NEB: variants seen among roughly 807,000 people sequenced by gnomAD.
NEB encodes nebulin.
Under a neutral mutation model 952.2 loss-of-function variants are expected in NEB, and 512 were observed. That is an observed-to-expected ratio of 0.54 (90% CI 0.50 to 0.58). The LOEUF is 0.58. NEB is among the 20% of genes least tolerant of loss of function. The pLI is 0.00. For synonymous variants in NEB, 2,900 were observed against 3,149.8 expected, an observed-to-expected ratio of 0.92 and a Z score of 2.66; for missense variants, 8,428 against 9,231.1, an observed-to-expected ratio of 0.91 and a Z score of 3.56.
At chr2:151,572,286 T>G (rs1033746989) in intron 107 of NEB, among the ~76,000 whole-genome samples, 1 of 152,022 alleles carries the variant, frequency 6.6e-6, no homozygotes, top group Admixed American at 6.6e-5. Context: ...CACGCCACTG[T>G]ACTCCAGCCT....
intron 47 of NEB, among the ~76,000 whole-genome samples, chr2:151,658,350 A>G (rs1411296328): frequency 1.1e-4 from 16 of 152,232 alleles, no homozygotes; most frequent in Admixed American, 1.0e-3. Context: ...TATACTTTAA[A>G]AAATGTGAAA....
rs764012894 is a variant in NEB, at chr2:151,575,785, C to T, written c.16923G>A (p.Glu5641=). The T allele has an allele frequency of 6.2e-7, 1 of 1,601,694 alleles. No homozygotes were observed. Among genetic ancestry groups the T allele is most frequent in the South Asian group, 1.1e-5 (1 of 90,772 alleles). ...TTGAAGTTTTATCCTTGTCCCAAAC[C>T]TCTCTGTACTTTGGCTGTGGAAAGA... The part of the protein sequence containing the change: ...AENISIPKYR[E]VWDKDKTSIH... The change falls in exon 107 of 182, where the codon GAG becomes GAA. Residue 5641 remains glutamate, a synonymous_variant. Transcript: ENST00000397345.
At position 151,540,787 on chromosome 2, in the gene NEB, T is replaced by C. The variant is rs2153570012; in HGVS notation, c.20697A>G (p.Glu6899=). 1 of 1,612,882 alleles carries C rather than the reference T, an allele frequency of 6.2e-7. No individual in the cohort carries two copies. The highest frequency in any genetic ancestry group is 8.5e-7 in the Non-Finnish European group (1 of 1,178,988). ...QKLQSQYLYV[E]LATKERPHHH... The stretch of plus-strand genomic sequence containing the variant: ...GATGGGGTCTCTCTTTGGTGGCAAG[T>C]TCAACATACAGATACTGAATAATAG... The change falls in exon 137 of 182, where the codon GAA becomes GAG. Residue 6899 remains glutamate (E), a synonymous_variant. Transcript: ENST00000397345.
intron 13 of NEB, among the ~76,000 whole-genome samples, chr2:151,702,574 GGATA>G (rs1271585309): frequency 2.6e-5 from 4 of 151,536 alleles, no homozygotes; most frequent in African/African-American, 9.7e-5. Flanking sequence ...TATATATTTA[GGATA>G]GTTAGCTCTT....
intron 20 of NEB, among the ~76,000 whole-genome samples, chr2:151,692,704 T>G (rs1224230151): frequency 6.6e-6 from 1 of 152,214 alleles, no homozygotes; most frequent in African/African-American, 2.4e-5. Context: ...GTGCAGGGGC[T>G]CACACCTGTC....
At chr2:151,734,366 G>A (rs2099816533) in intron 1 of NEB, 32 bp downstream of exon 1, 1 of 152,124 alleles carries the variant, frequency 6.6e-6, no homozygotes, top group African/African-American at 2.4e-5. Context: ...TCCTGAAAGA[G>A]TATTACAGAA....
intron 74 of NEB, among the ~76,000 whole-genome samples, chr2:151,617,716 T>C (rs1017484131): frequency 2.0e-5 from 3 of 152,110 alleles, no homozygotes; most frequent in Admixed American, 1.3e-4. Context: ...GAAAGAGTTA[T>C]AGCACACAGT....
chr2:151,719,809 G>A (rs1213780815), intron 9 of NEB, among the ~76,000 whole-genome samples: 2 of 151,008 alleles, frequency 1.3e-5, no homozygotes, highest in African/African-American at 4.9e-5. Context: ...AGCCTGGGAG[G>A]TGGAGGTTGC....
intron 60 of NEB, among the ~76,000 whole-genome samples, chr2:151,641,720 C>T (rs1180168399): frequency 2.0e-5 from 3 of 152,042 alleles, no homozygotes; most frequent in African/African-American, 4.8e-5. Flanking sequence ...ATTATGATTA[C>T]TTCCCATATT....
Position 151,696,716 on chromosome 2 carries a change from G to A in NEB, c.1490C>T (p.Pro497Leu), listed in dbSNP as rs768560298. 3.1e-6 allele frequency: 5 copies of A among 1,613,628 alleles called. No individual in the cohort carries two copies. Among genetic ancestry groups the A allele is most frequent in the Non-Finnish European group, 1.7e-6 (2 of 1,179,730 alleles). The part of the protein sequence containing the change: ...QCKDHTYKVH[P>L]DKTKFTQVTD... Reference sequence around the variant, plus strand: ...AACTTGGGTGAATTTTGTCTTATCTGGATGGACTTTGTAGGTGTGCTGTGG... The same window carrying A: ...AACTTGGGTGAATTTTGTCTTATCTAGATGGACTTTGTAGGTGTGCTGTGG... Residue 497 changes from proline (P) to leucine (L), a missense_variant, in exon 17 of 182, where the codon CCA becomes CTA. Physicochemically the swap from Pro to Leu is moderately conservative, Grantham distance 98. Around this residue, in one of 11 missense-constraint regions of NEB, gnomAD observed 2,851 missense variants for 2,791.5 expected, o/e 1.02. Transcript: ENST00000397345.
At chr2:151,526,372 A>G in intron 148 of NEB, 110 bp from the exon 149 acceptor site, 1 of 775,404 alleles carries the variant, frequency 1.3e-6, no homozygotes, top group South Asian at 1.6e-5. Context: ...TAAACTCAAT[A>G]AAAGATGTGA....
chr2:151,658,308 G>A (rs1392847947), intron 47 of NEB, among the ~76,000 whole-genome samples: 3 of 152,004 alleles, frequency 2.0e-5, no homozygotes, highest in Non-Finnish European at 4.4e-5. Context: ...ACCAGAAAAA[G>A]TAAAAGTTAC....
At chr2:151,643,453 A>G in intron 57 of NEB, 100 bp from the exon 58 acceptor site, 1 of 995,640 alleles carries the variant, frequency 1.0e-6, no homozygotes, top group Non-Finnish European at 1.4e-6. Flanking sequence ...AAAAGTTCAT[A>G]TTATACTCTA....
intron 142 of NEB, among the ~76,000 whole-genome samples, 191 bp downstream of exon 142, chr2:151,535,500 T>G (rs1255820855): frequency 6.6e-6 from 1 of 152,224 alleles, no homozygotes; most frequent in Non-Finnish European, 1.5e-5. Flanking sequence ...GTCCCTTCAC[T>G]TGTTCTTATT....
At chr2:151,682,930 C>A (rs549136313) in intron 28 of NEB, among the ~76,000 whole-genome samples, 161 bp from the exon 29 acceptor site, 1 of 152,160 alleles carries the variant, frequency 6.6e-6, no homozygotes, top group South Asian at 2.1e-4. Flanking sequence ...GATATAGTAA[C>A]AGCTCTTCGA....
chr2:151,642,274 TGA>T (rs1332965392), intron 60 of NEB, among the ~76,000 whole-genome samples: 2 of 152,226 alleles, frequency 1.3e-5, no homozygotes, highest in Non-Finnish European at 2.9e-5. Context: ...CAATTGTATA[TGA>T]GAGATACATC....
At chr2:151,721,098 A>G (rs1172672696) in intron 9 of NEB, among the ~76,000 whole-genome samples, 1 of 152,096 alleles carries the variant, frequency 6.6e-6, no homozygotes, top group African/African-American at 2.4e-5. Context: ...ATCCAATGCC[A>G]TTCATGCCTA....
At chr2:151,578,842 A>G (rs148580196) in intron 105 of NEB, among the ~76,000 whole-genome samples, 30 of 151,514 alleles carry the variant, frequency 2.0e-4, no homozygotes, top group South Asian at 1.5e-3. Context: ...AGAACTTTGG[A>G]AGGCTGAGAC....
Position 151,671,068 on chromosome 2 carries a change from G to A in NEB, c.4461C>T (p.Ser1487=), listed in dbSNP as rs753328294. The change falls in exon 38 of 182, where the codon TCC becomes TCT. Residue 1487 remains serine (S), a synonymous_variant. Transcript: ENST00000397345. The stretch of plus-strand genomic sequence containing the variant: ...TATGCTGAGCCAACACCATGCCCAT[G>A]GAATCAGGCACACTTGTGAACTTGA... ...DTVKFTSVPD[S]MGMVLAQHNT... The A allele has an allele frequency of 1.2e-6, 2 of 1,613,926 alleles. No individual in the cohort carries two copies. Among genetic ancestry groups the A allele is most frequent in the South Asian group, 1.1e-5 (1 of 91,080 alleles).
Sources: allele counts gnomAD v4.1 joint callset (sites outside exome capture counted in the v4.1 genomes callset), GRCh38; gene constraint gnomAD v4.1.1; regional missense constraint gnomAD v4.1.1; transcripts MANE v1.5; gene names NCBI Gene and HGNC (gene_info 2026-07-23, HGNC 2026-07-21).